ZNRF3: variants seen among roughly 807,000 people sequenced by gnomAD.
ZNRF3 encodes the protein zinc and ring finger 3.
Under a neutral mutation model 72.5 loss-of-function variants are expected in ZNRF3, and 23 were observed. That is an observed-to-expected ratio of 0.32 (90% CI 0.23 to 0.45). The LOEUF (loss-of-function observed/expected upper bound fraction) is 0.45, where lower values mean the gene tolerates loss of function less well. Among genes scored for constraint, ZNRF3 ranks in the 20% least tolerant of loss-of-function variants. ZNRF3 has a pLI of 1.00. For synonymous variants in ZNRF3, 610 were observed against 545.3 expected (o/e 1.12, Z -1.65); for missense variants, 1,169 against 1,272.1 (o/e 0.92, Z 1.23).
In ZNRF3 at chr22:28,996,085, T is replaced by C. The variant is rs561706336; in HGVS notation, c.426+8884T>C. Among the ~76,000 whole-genome samples, 71 of 152,026 alleles carry C rather than the reference T, an allele frequency of 4.7e-4. 1 individual carries two copies. The South Asian group carries it at 0.014, about 31-fold the overall frequency. On this transcript the variant is annotated intron_variant, in intron 2 of 8. Coordinates refer to ENST00000544604, the MANE Select transcript of ZNRF3 (RefSeq NM_001206998.2). ...GCCACTGTGCCTGGCCAAAACTGTT[T>C]TCATGTAATATTATTTTGAAATTAT...
chr22:29,033,210 GC>G (rs1348996086), intron 2 of ZNRF3, among the ~76,000 whole-genome samples: 2 of 152,082 alleles, frequency 1.3e-5, no homozygotes, highest in African/African-American at 4.8e-5. Flanking sequence ...AATTAGCCGG[GC>G]ATGATGGTGC....
chr22:29,038,965 TAG>T (rs935608948), intron 2 of ZNRF3, among the ~76,000 whole-genome samples: 26 of 150,354 alleles, frequency 1.7e-4, no homozygotes, highest in African/African-American at 3.4e-4. Context: ...TATATATATA[TAG>T]AGAGAGAGAG....
rs902874965 is a variant in ZNRF3, at chr22:29,050,446, C to A, written c.2265C>A (p.Ser755=). 2 of 1,611,100 alleles carry A rather than the reference C, an allele frequency of 1.2e-6. No individual in the cohort carries two copies. The highest frequency in any genetic ancestry group is 1.7e-6 in the Non-Finnish European group (2 of 1,178,928). ...GTGGGGAGCCCCAGTCAGGAAGCTCCCAGGGCTTGTACGGCCTTCACCCCG... is the reference window on the plus strand; with the variant it reads ...GTGGGGAGCCCCAGTCAGGAAGCTCACAGGGCTTGTACGGCCTTCACCCCG... The part of the protein sequence containing the change: ...PAGGEPQSGS[S]QGLYGLHPDH... The change falls in exon 8 of 9, where the codon TCC becomes TCA. Residue 755 remains serine (S), a synonymous_variant. Transcript: ENST00000544604.
At position 29,048,287 on chromosome 22, in the gene ZNRF3, C is replaced by T. The variant is rs949020841; in HGVS notation, c.913-102C>T. 3.5e-6 allele frequency: 3 copies of T among 861,696 alleles called. No homozygotes were observed. The highest frequency in any genetic ancestry group is 3.3e-5 in the African/African-American group (2 of 60,392). The allele number at this position is 861,696 out of a possible 1,614,324, so 53.4% of individuals were successfully genotyped here. On this transcript the variant is annotated intron_variant, in intron 6 of 8. Coordinates refer to ENST00000544604, the MANE Select transcript of ZNRF3 (RefSeq NM_001206998.2). The surrounding 1 kb of genome is among the most constrained non-coding windows in gnomAD (Gnocchi z 4.9). ...AGGTGGGGAGGAGAGTAGGGAAGGG[C>T]ACGGGCATGCTGTGCAGAACTCCTT...
rs1157412359 is a variant in ZNRF3 at position 29,050,366 on chromosome 22, G to A, written c.2185G>A (p.Gly729Ser). 3 of 1,604,044 alleles carry A rather than the reference G, an allele frequency of 1.9e-6. No individual in the cohort carries two copies. The African/African-American group carries it at 4.0e-5, about 21-fold the overall frequency. ...SPAGPSAGAA[G>S]SSTLFLGPHL... ...AGCCGGGCCTAGCGCCGGAGCAGCT[G>A]GCAGCAGCACCTTGTTCCTGGGGCC... is the stretch of plus-strand genomic sequence containing the variant. The change falls in exon 8 of 9, where the codon GGC (glycine) becomes AGC (serine). Residue 729 changes from glycine (G) to serine (S), a missense_variant. Around this residue, in one of 2 missense-constraint regions of ZNRF3, gnomAD observed 783 missense variants for 731.4 expected, o/e 1.07. Transcript: ENST00000544604.
Position 29,030,374 on chromosome 22 carries a change from T to G in ZNRF3, c.427-12121T>G, listed in dbSNP as rs762142832. On this transcript the variant is annotated intron_variant, in intron 2 of 8. Coordinates refer to ENST00000544604, the MANE Select transcript of ZNRF3 (RefSeq NM_001206998.2). This position sits in a 1 kb window ranked among gnomAD's most constrained non-coding sequence, Gnocchi z 4.2. ...TCGGGTACCTTTAATTAGGAGAAAT[T>G]AAGTGGGGCTGCTACATATTTTGAG... 1.3e-5 allele frequency among the ~76,000 whole-genome samples: 2 copies of G among 152,148 alleles called. No homozygotes were observed. The highest frequency in any genetic ancestry group is 2.9e-5 in the Non-Finnish European group (2 of 68,028).
chr22:28,887,855 G>C, intron 1 of ZNRF3, among the ~76,000 whole-genome samples: 1 of 152,210 alleles, frequency 6.6e-6, no homozygotes, highest in East Asian at 1.9e-4. Context: ...CACATGGTTG[G>C]TGATGTTAAA....
At chr22:29,037,739 A>G (rs2036891446) in intron 2 of ZNRF3, among the ~76,000 whole-genome samples, 1 of 152,236 alleles carries the variant, frequency 6.6e-6, no homozygotes, top group Non-Finnish European at 1.5e-5. Context: ...TCTTTCATTC[A>G]GCACTCTGCA....
rs1291016840 is a variant in ZNRF3 at position 29,056,936 on chromosome 22, A to G, written c.*3314A>G. On this transcript the variant is annotated 3_prime_UTR_variant, in exon 9 of 9. Coordinates refer to ENST00000544604, the MANE Select transcript of ZNRF3 (RefSeq NM_001206998.2). ...AGTTCGTGCAGGACTAATGCTTTTAAAATGAGGTCTAAAAAATAATTACTA... is the reference window on the plus strand; with the variant it reads ...AGTTCGTGCAGGACTAATGCTTTTAGAATGAGGTCTAAAAAATAATTACTA... 2 of 152,232 alleles carry G rather than the reference A, an allele frequency of 1.3e-5. No homozygotes were observed. Among genetic ancestry groups the G allele is most frequent in the African/African-American group, 4.8e-5 (2 of 41,470 alleles). 9.4% of individuals were successfully genotyped at this position (152,232 alleles called of 1,614,324 possible). A position where few individuals can be genotyped will look rare whatever the true frequency, so the allele number is the denominator to read the frequency against.
intron 1 of ZNRF3, among the ~76,000 whole-genome samples, chr22:28,903,464 C>T (rs762386725): frequency 2.6e-5 from 4 of 152,150 alleles, no homozygotes; most frequent in Non-Finnish European, 4.4e-5. Context: ...TTTGATCCAG[C>T]GTGTGATTTT....
intron 1 of ZNRF3, among the ~76,000 whole-genome samples, chr22:28,964,873 A>G (rs1177625425): frequency 1.3e-5 from 2 of 152,136 alleles, no homozygotes; most frequent in Admixed American, 1.3e-4. Context: ...ACCTTTGGCT[A>G]CTCTTTCTTT....
Position 28,883,879 on chromosome 22 carries a change from C to CGCTGCTGCTCGG in ZNRF3, c.123_134dup (p.Gly42_Leu45dup). On this transcript the variant is annotated inframe_insertion, in exon 1 of 9. Coordinates refer to ENST00000544604, the MANE Select transcript of ZNRF3 (RefSeq NM_001206998.2). This position sits in a 1 kb window ranked among gnomAD's most constrained non-coding sequence, Gnocchi z 5.5. ...CGCCTGCCGCCGCCGCCGCCGCTGC[C>CGCTGCTGCTCGG]GCTGCTGCTCGGGCTGCTGCTGGCG... 9.7e-7 allele frequency: 1 copy of CGCTGCTGCTCGG among 1,028,802 alleles called. No individual in the cohort carries two copies. Among genetic ancestry groups the CGCTGCTGCTCGG allele is most frequent in the Non-Finnish European group, 1.2e-6 (1 of 862,430 alleles). 63.7% of individuals were successfully genotyped at this position (1,028,802 alleles called of 1,614,324 possible).
intron 1 of ZNRF3, among the ~76,000 whole-genome samples, chr22:28,977,565 A>G (rs1476674523): frequency 6.6e-6 from 1 of 152,170 alleles, no homozygotes; most frequent in Non-Finnish European, 1.5e-5. Context: ...ACTCTGTACC[A>G]CAGCGACACC....
intron 2 of ZNRF3, among the ~76,000 whole-genome samples, chr22:29,016,346 G>A (rs2036437553): frequency 6.6e-6 from 1 of 152,192 alleles, no homozygotes; most frequent in South Asian, 2.1e-4. Context: ...AGAAAATAGT[G>A]AATAAGGAAA....
intron 5 of ZNRF3, among the ~76,000 whole-genome samples, chr22:29,045,458 T>G (rs1908001820): frequency 6.6e-6 from 1 of 151,800 alleles, no homozygotes; most frequent in South Asian, 2.1e-4. Context: ...TGGGAATATC[T>G]CCAGCAGGTG....
intron 1 of ZNRF3, among the ~76,000 whole-genome samples, chr22:28,964,751 A>T (rs1284786172): frequency 6.6e-6 from 1 of 152,238 alleles, no homozygotes; most frequent in African/African-American, 2.4e-5. Flanking sequence ...CTACAGTCTC[A>T]AGTGGACTCC....
At position 28,935,632 on chromosome 22, in the gene ZNRF3, G is replaced by A. The variant is rs374229084; in HGVS notation, c.301-51444G>A. On this transcript the variant is annotated intron_variant, in intron 1 of 8. Coordinates refer to ENST00000544604, the MANE Select transcript of ZNRF3 (RefSeq NM_001206998.2). ...CACCAACATCCCTGACACAGATCTG[G>A]CCAGCCACCTTGGATCAGCCTGCTG... is the stretch of plus-strand genomic sequence containing the variant. Among the ~76,000 whole-genome samples the A allele has an allele frequency of 1.0e-3, 152 of 152,230 alleles. 2 individuals are homozygous for A. Among genetic ancestry groups the A allele is most frequent in the African/African-American group, 3.3e-3 (135 of 41,526 alleles).
intron 1 of ZNRF3, among the ~76,000 whole-genome samples, chr22:28,924,038 G>T (rs972542623): frequency 1.3e-4 from 20 of 152,272 alleles, no homozygotes; most frequent in African/African-American, 4.8e-4. Flanking sequence ...GCGCACCGGG[G>T]TGCTTCAAAG....
At chr22:28,912,662 C>CTTT (rs138371253) in intron 1 of ZNRF3, among the ~76,000 whole-genome samples, 2 of 119,546 alleles carry the variant, frequency 1.7e-5, no homozygotes, top group South Asian at 2.7e-4. Context: ...TCTTTTCTTT[C>CTTT]TTTTTTTTTT....
Sources: allele counts gnomAD v4.1 joint callset (sites outside exome capture counted in the v4.1 genomes callset), GRCh38; gene constraint gnomAD v4.1.1; regional missense constraint gnomAD v4.1.1; non-coding constraint Gnocchi (gnomAD v3.1); transcripts MANE v1.5; gene names NCBI Gene and HGNC (gene_info 2026-07-23, HGNC 2026-07-21).